The following TBC1D15 variants were observed in gnomAD, a reference collection of about 807,000 sequenced individuals.
TBC1D15 encodes the protein TBC1 domain family member 15, also known as GAP for RAB7.
A neutral mutation model predicts 95.4 loss-of-function variants in TBC1D15; 39 were observed. The ratio of observed to expected loss-of-function variants is 0.41; its 90% CI spans 0.32 to 0.53. The LOEUF (loss-of-function observed/expected upper bound fraction) is 0.53. TBC1D15 is among the 20% of genes least tolerant of loss of function. The pLI is 0.29. For missense variants in TBC1D15, 733 were observed against 794.3 expected (o/e 0.92, Z 0.93); for synonymous variants, 258 against 261.3 (o/e 0.99, Z 0.12).
At chr12:71,847,208 A>ACCAT (rs1306517528) in intron 1 of TBC1D15, among the ~76,000 whole-genome samples, 36 of 152,180 alleles carry the variant, frequency 2.4e-4, no homozygotes, top group Admixed American at 2.4e-3. Context: ...GACTCACTGT[A>ACCAT]CCATCACTCC....
intron 3 of TBC1D15, among the ~76,000 whole-genome samples, chr12:71,877,277 C>T: frequency 7.1e-6 from 1 of 139,910 alleles, no homozygotes; most frequent in Admixed American, 7.2e-5. Context: ...GTTTTATGTT[C>T]TGGTTATGTG....
chr12:71,857,009 G>T (rs1182398375), intron 1 of TBC1D15, among the ~76,000 whole-genome samples: 1 of 152,046 alleles, frequency 6.6e-6, no homozygotes, highest in East Asian at 1.9e-4. Flanking sequence ...ACATAGAAAT[G>T]TTTTCGTAAA....
At chr12:71,851,004 A>G (rs1887673704) in intron 1 of TBC1D15, among the ~76,000 whole-genome samples, 1 of 151,502 alleles carries the variant, frequency 6.6e-6, no homozygotes, top group Non-Finnish European at 1.5e-5. Context: ...AAAAAAAAAA[A>G]AAAAGAAAGA....
chr12:71,923,043 G>C lies in TBC1D15; in HGVS notation c.1864G>C (p.Asp622His), dbSNP rs774149939. 8.1e-6 allele frequency: 13 copies of C among 1,614,202 alleles called. No individual in the cohort carries two copies. Among genetic ancestry groups the C allele is most frequent in the South Asian group, 1.1e-5 (1 of 91,088 alleles). ...GLQGSEVTTP[D>H]SDVGEDENVV... Reference sequence around the variant, plus strand: ...TCAAGGCAGTGAAGTTACAACACCAGATTCAGACGTTGGTGAAGACGAAAA... The same window carrying C: ...TCAAGGCAGTGAAGTTACAACACCACATTCAGACGTTGGTGAAGACGAAAA... Residue 622 changes from aspartate to histidine, a missense_variant, in exon 17 of 17, where the codon GAT (aspartate) becomes CAT (histidine). By Grantham distance (81) the Asp-to-His change is moderately conservative. Coordinates refer to ENST00000485960, the MANE Select transcript of TBC1D15 (RefSeq NM_001146213.3).
intron 10 of TBC1D15, 38 bp from the exon 11 acceptor site, chr12:71,906,984 T>C: frequency 6.6e-6 from 9 of 1,365,642 alleles, no homozygotes; most frequent in Non-Finnish European, 8.2e-6. Flanking sequence ...ATCTGTTTTT[T>C]GGAAGCTTTT....
Position 71,923,126 on chromosome 12 carries a change from C to T in TBC1D15, c.1947C>T (p.Leu649=). ...SAFQSNALPT[L]SASGARNDSP... ...TTCAAAGTAATGCCTTGCCTACACT[C>T]TCTGCCAGTGGAGCCAGAAATGACA... Residue 649 remains leucine, a synonymous_variant, in exon 17 of 17, where the codon CTC becomes CTT. Coordinates refer to ENST00000485960, the MANE Select transcript of TBC1D15 (RefSeq NM_001146213.3). 2 of 1,614,220 alleles carry T rather than the reference C, an allele frequency of 1.2e-6. No homozygotes were observed. The highest frequency in any genetic ancestry group is 1.7e-6 in the Non-Finnish European group (2 of 1,180,042).
At chr12:71,850,065 C>T in intron 1 of TBC1D15, 1 of 519,846 alleles carries the variant, frequency 1.9e-6, no homozygotes, top group Non-Finnish European at 3.7e-6. Flanking sequence ...ACAGCCATCG[C>T]TGTGAGTTTA....
At chr12:71,858,767 G>C (rs1041838721) in intron 1 of TBC1D15, among the ~76,000 whole-genome samples, 4 of 151,830 alleles carry the variant, frequency 2.6e-5, no homozygotes, top group African/African-American at 9.7e-5. Context: ...ATGTTGCCCA[G>C]GCTGGTCTTG....
rs1566070584 is a variant in TBC1D15 at position 71,913,806 on chromosome 12, A to AT, written c.1301-14dup. On this transcript the variant is annotated intron_variant, in intron 11 of 16. Transcript: ENST00000485960. ...CATAAAACTTGGGTTTTCAGAGATG[A>AT]TTTTTTCTTTTCTTTTTAGGATATG... is the stretch of plus-strand genomic sequence containing the variant. 28 of 1,542,414 alleles carry AT rather than the reference A, an allele frequency of 1.8e-5. No homozygotes were observed. The highest frequency in any genetic ancestry group is 4.9e-5 in the South Asian group (4 of 82,092).
intron 1 of TBC1D15, among the ~76,000 whole-genome samples, chr12:71,868,617 CTCTT>C (rs1555197622): frequency 6.6e-6 from 1 of 152,108 alleles, no homozygotes; most frequent in Non-Finnish European, 1.5e-5. Context: ...ACTTAGGAAA[CTCTT>C]TCAACTTTTT....
chr12:71,908,279 A>G (rs1426664991), intron 11 of TBC1D15, among the ~76,000 whole-genome samples: 2 of 152,266 alleles, frequency 1.3e-5, no homozygotes, highest in African/African-American at 4.8e-5. Flanking sequence ...GGGCAAGAGA[A>G]CTTAAGATAT....
At position 71,923,341 on chromosome 12, in the gene TBC1D15, T is replaced by A; in HGVS notation, c.*137T>A. 1 of 727,468 alleles carries A rather than the reference T, an allele frequency of 1.4e-6. No individual in the cohort carries two copies. Among genetic ancestry groups the A allele is most frequent in the Non-Finnish European group, 2.2e-6 (1 of 451,594 alleles). 45.1% of individuals were successfully genotyped at this position (727,468 alleles called of 1,614,324 possible). ...AGAAAGTGTACTGATGTTCTTACAT[T>A]AAAGCTTTACAAAGATTTAAACTAA... On this transcript the variant is annotated 3_prime_UTR_variant, in exon 17 of 17. Transcript: ENST00000485960.
chr12:71,902,275 C>G (rs1217362103), intron 10 of TBC1D15, among the ~76,000 whole-genome samples: 1 of 152,116 alleles, frequency 6.6e-6, no homozygotes, highest in Non-Finnish European at 1.5e-5. Flanking sequence ...CCAAAGCAAT[C>G]TTAATGCAAA....
chr12:71,850,784 C>G (rs753160741), intron 1 of TBC1D15, among the ~76,000 whole-genome samples: 1 of 151,860 alleles, frequency 6.6e-6, no homozygotes, highest in Non-Finnish European at 1.5e-5. Context: ...GTCAGGAGAT[C>G]GAGACCATCT....
chr12:71,909,251 T>C (rs967362185), intron 11 of TBC1D15, among the ~76,000 whole-genome samples: 5 of 152,216 alleles, frequency 3.3e-5, no homozygotes, highest in Non-Finnish European at 5.9e-5. Flanking sequence ...ATAAAAGCAA[T>C]AGACAACATT....
At chr12:71,849,747 C>T in intron 1 of TBC1D15, 1 of 558,762 alleles carries the variant, frequency 1.8e-6, no homozygotes, top group South Asian at 1.5e-5. Flanking sequence ...TGATAGAGCT[C>T]TTCTAGCAAC....
intron 3 of TBC1D15, among the ~76,000 whole-genome samples, chr12:71,879,704 C>T (rs1894748684): frequency 6.6e-6 from 1 of 152,146 alleles, no homozygotes; most frequent in African/African-American, 2.4e-5. Context: ...ATGTTTATTA[C>T]ATTATATTTC....
At chr12:71,884,071 T>A (rs1409951013) in intron 4 of TBC1D15, among the ~76,000 whole-genome samples, 1 of 152,162 alleles carries the variant, frequency 6.6e-6, no homozygotes, top group Non-Finnish European at 1.5e-5. Context: ...CAATTGAATG[T>A]ATTATTTTTG....
rs373667197 is a variant in TBC1D15 at position 71,918,447 on chromosome 12, A to G, written c.1502-4A>G. 1.6e-5 allele frequency: 26 copies of G among 1,577,934 alleles called. No individual in the cohort carries two copies. In the Middle Eastern group the frequency reaches 2.0e-3, roughly 123 times the overall value. On this transcript the variant is annotated splice_polypyrimidine_tract_variant and splice_region_variant and intron_variant, in intron 13 of 16. Transcript: ENST00000485960. ...TCATATGTGTGTTTTTTTCTTCTGCATAGAATCTCAGGACTCTGGATACCT... is the reference window on the plus strand; with the variant it reads ...TCATATGTGTGTTTTTTTCTTCTGCGTAGAATCTCAGGACTCTGGATACCT...
Sources: allele counts gnomAD v4.1 joint callset (sites outside exome capture counted in the v4.1 genomes callset), GRCh38; gene constraint gnomAD v4.1.1; transcripts MANE v1.5; gene names NCBI Gene and HGNC (gene_info 2026-07-23, HGNC 2026-07-21).